The following GNAS variants were observed in gnomAD, a reference collection of about 807,000 sequenced individuals.
GNAS encodes the protein GNAS complex locus.
A neutral mutation model predicts 54.5 loss-of-function variants in GNAS; 8 were observed. The ratio of observed to expected loss-of-function variants is 0.15; its 90% CI spans 0.09 to 0.26. GNAS has a LOEUF of 0.26. Among genes scored for constraint, GNAS ranks in the 10% least tolerant of loss-of-function variants. GNAS has a pLI of 1.00. For missense variants in GNAS, 170 were observed against 529.8 expected, an observed-to-expected ratio of 0.32 and a Z score of 6.67; for synonymous variants, 204 against 191.4, an observed-to-expected ratio of 1.07 and a Z score of -0.54.
chr20:58,905,614 A>G (rs989425626), intron 6 of GNAS, 134 bp downstream of exon 6: 1 of 708,984 alleles, frequency 1.4e-6, no homozygotes, highest in Non-Finnish European at 2.6e-6. Context: ...CCCCACTGGC[A>G]GAAAGTTCTA....
intron 2 of GNAS, 197 bp from the exon 3 acceptor site, chr20:58,898,744 A>G (rs1346304524): frequency 1.2e-5 from 8 of 664,378 alleles, no homozygotes; most frequent in Admixed American, 2.1e-5. Flanking sequence ...TTCTTCCCCC[A>G]TGGCCTGCAG....
chr20:58,882,400 C>T (rs1418675895), intron 1 of GNAS, among the ~76,000 whole-genome samples: 1 of 152,218 alleles, frequency 6.6e-6, no homozygotes, highest in Non-Finnish European at 1.5e-5. Context: ...TCCCCTAAGG[C>T]TGACATTTTT....
rs2145474885 is a variant in GNAS at position 58,840,972 on chromosome 20, C to T, written c.43+86C>T. On this transcript the variant is annotated intron_variant, in intron 1 of 12. Transcript: ENST00000306090. The surrounding 1 kb of genome is among the most constrained non-coding windows in gnomAD (Gnocchi z 6.0). ...AAGGAGGTGAGAAGGAAAGGCAGGT[C>T]AGGGGCGAGTGGGAAGAGAGGAGGC... The T allele has an allele frequency of 7.1e-7, 1 of 1,418,038 alleles. No homozygotes were observed. The highest frequency in any genetic ancestry group is 9.8e-7 in the Non-Finnish European group (1 of 1,024,036). 87.8% of individuals were successfully genotyped at this position (1,418,038 alleles called of 1,614,324 possible). A position where few individuals can be genotyped will look rare whatever the true frequency, so the allele number is the denominator to read the frequency against.
Position 58,910,711 on chromosome 20 carries a change from G to A in GNAS, c.1067G>A (p.Arg356His), listed in dbSNP as rs2146305299. Residue 356 changes from arginine to histidine, a missense_variant, in exon 13 of 13, where the codon CGT becomes CAT. Physicochemically the swap from Arg to His is conservative, Grantham distance 29. This residue lies in a region of GNAS where 36 missense variants were observed against 223.0 expected (regional missense o/e 0.16). Transcript: ENST00000371085. This position sits in a 1 kb window ranked among gnomAD's most constrained non-coding sequence, Gnocchi z 5.8. ...ATCAGCACTGCCAGTGGAGATGGGC[G>A]TCACTACTGCTACCCTCATTTCACC... Reference protein sequence around the residue: ...LRISTASGDGRHYCYPHFTCA... With the variant: ...LRISTASGDGHHYCYPHFTCA... The A allele has an allele frequency of 6.2e-7, 1 of 1,614,116 alleles. No homozygotes were observed. Among genetic ancestry groups the A allele is most frequent in the Non-Finnish European group, 8.5e-7 (1 of 1,179,972 alleles).
At chr20:58,893,360 A>G (rs2089710830) in intron 1 of GNAS, among the ~76,000 whole-genome samples, 1 of 152,200 alleles carries the variant, frequency 6.6e-6, no homozygotes, top group African/African-American at 2.4e-5. Context: ...GACCAAAAGA[A>G]TTACACAGCA....
At chr20:58,859,533 A>G (rs765406676) in intron 1 of GNAS, among the ~76,000 whole-genome samples, 1 of 151,328 alleles carries the variant, frequency 6.6e-6, no homozygotes, top group Non-Finnish European at 1.5e-5. Flanking sequence ...ATCTAGTCAT[A>G]TTTGTCTCTT....
Position 58,910,159 on chromosome 20 carries a change from C to G in GNAS, c.970+78C>G, listed in dbSNP as rs2091341622. ...AACGGTCAGGCTGAAAACCCCCATCCCCCTCCCACCACCAAACCATAAAGG... is the reference window on the plus strand; with the variant it reads ...AACGGTCAGGCTGAAAACCCCCATCGCCCTCCCACCACCAAACCATAAAGG... On this transcript the variant is annotated intron_variant, in intron 11 of 12. Coordinates refer to ENST00000371085, the MANE Select transcript of GNAS (RefSeq NM_000516.7). This position sits in a 1 kb window ranked among gnomAD's most constrained non-coding sequence, Gnocchi z 5.8. The G allele has an allele frequency of 2.1e-5, 30 of 1,441,880 alleles. No homozygotes were observed. The highest frequency in any genetic ancestry group is 2.9e-5 in the Non-Finnish European group (30 of 1,023,166). The allele number at this position is 1,441,880 out of a possible 1,614,324, so 89.3% of individuals were successfully genotyped here.
rs80014150 is a variant in GNAS, at chr20:58,874,830, T to C, written c.44-20782T>C. On this transcript the variant is annotated intron_variant, in intron 1 of 12. Transcript: ENST00000306090. Reference sequence around the variant, plus strand: ...CTTTTGTTTTGTTCCCTAATGCAGATAGAGATAGTCTATATTCAAATACTA... The same window carrying C: ...CTTTTGTTTTGTTCCCTAATGCAGACAGAGATAGTCTATATTCAAATACTA... Among the ~76,000 whole-genome samples, 1,207 of 152,364 alleles carry C rather than the reference T, an allele frequency of 7.9e-3. 17 individuals carry two copies. Among genetic ancestry groups the C allele is most frequent in the African/African-American group, 0.027 (1,129 of 41,598 alleles).
intron 1 of GNAS, among the ~76,000 whole-genome samples, chr20:58,860,310 T>A (rs531588021): frequency 1.1e-4 from 16 of 151,940 alleles, no homozygotes; most frequent in African/African-American, 3.1e-4. Context: ...TTTTTTTTTT[T>A]AAATGCAGGT....
intron 1 of GNAS, among the ~76,000 whole-genome samples, chr20:58,864,944 CACACACACACACAA>C (rs971562090): frequency 6.6e-6 from 1 of 151,740 alleles, no homozygotes; most frequent in Non-Finnish European, 1.5e-5. Flanking sequence ...CACACACACA[CACACACACACACAA>C]ACACACACGC....
intron 2 of GNAS, among the ~76,000 whole-genome samples, chr20:58,896,885 AAAAACAAAC>A (rs757693689): frequency 3.3e-5 from 5 of 152,156 alleles, no homozygotes; most frequent in Admixed American, 1.3e-4. Context: ...CACCCCCCAA[AAAAACAAAC>A]AAAACAAACA....
chr20:58,890,911 T>C (rs1005819559), upstream of GNAS: 48 of 152,174 alleles, frequency 3.2e-4, no homozygotes, highest in African/African-American at 9.4e-4. Flanking sequence ...TCTGTGTCTC[T>C]CGCTCTTTCG....
intron 1 of GNAS, among the ~76,000 whole-genome samples, chr20:58,844,550 A>T (rs1326462889): frequency 6.6e-6 from 1 of 152,312 alleles, no homozygotes; most frequent in East Asian, 1.9e-4. Flanking sequence ...GGTCAGACCC[A>T]ACACCCCTCT....
intron 1 of GNAS, among the ~76,000 whole-genome samples, chr20:58,871,657 T>A (rs1214142267): frequency 0.084 from 3,044 of 36,128 alleles, no homozygotes; most frequent in Middle Eastern, 0.1. Context: ...ACCAAAAAAA[T>A]TAAAAGGGAG....
chr20:58,911,020 G>T lies in GNAS; in HGVS notation c.*191G>T. ...ATGTTCCAAATTTAGAAAGCTTAAG[G>T]CGGCCTACAGAAAAAGGAAAAAAGG... On this transcript the variant is annotated 3_prime_UTR_variant, in exon 13 of 13. Coordinates refer to ENST00000371085, the MANE Select transcript of GNAS (RefSeq NM_000516.7). 1.4e-6 allele frequency: 1 copy of T among 702,570 alleles called. No individual in the cohort carries two copies. The highest frequency in any genetic ancestry group is 2.6e-6 in the Non-Finnish European group (1 of 390,770). 43.5% of individuals were successfully genotyped at this position (702,570 alleles called of 1,614,324 possible).
chr20:58,845,285 C>T lies in GNAS; in HGVS notation c.43+4399C>T, dbSNP rs1423780733. ...CCTGAAAAAAATGGTATAGAAGCTA[C>T]AGCTATTTGAGATAAACCAGTTTTC... On this transcript the variant is annotated intron_variant, in intron 1 of 12. Coordinates refer to the GNAS transcript ENST00000306090. Among the ~76,000 whole-genome samples, 3 of 152,222 alleles carry T rather than the reference C, an allele frequency of 2.0e-5. No individual in the cohort carries two copies. The East Asian group carries it at 5.8e-4, about 29-fold the overall frequency.
rs1207373158 is a variant in GNAS, at chr20:58,857,011, T to C, written c.43+16125T>C. On this transcript the variant is annotated intron_variant, in intron 1 of 12. Transcript: ENST00000306090. This position sits in a 1 kb window ranked among gnomAD's most constrained non-coding sequence, Gnocchi z 4.1. Reference sequence around the variant, plus strand: ...ATTTAAACAAAGCATCAATTAGCAATGGTCTGAATATGTGGTTTAAATGAA... The same window carrying C: ...ATTTAAACAAAGCATCAATTAGCAACGGTCTGAATATGTGGTTTAAATGAA... 1 of 146,582 alleles carries C rather than the reference T, an allele frequency of 6.8e-6. No homozygotes were observed. The highest frequency in any genetic ancestry group is 2.5e-5 in the African/African-American group (1 of 39,968). The allele number at this position is 146,582 out of a possible 1,614,324, so 9.1% of individuals were successfully genotyped here. A position where few individuals can be genotyped will look rare whatever the true frequency, so the allele number is the denominator to read the frequency against.
At chr20:58,889,124 G>T, upstream of GNAS, 1 of 1,174,460 alleles carries the variant, frequency 8.5e-7, no homozygotes. Context: ...GTCCTCTGAA[G>T]AGGCTGGGGC....
chr20:58,873,588 T>C lies in GNAS; in HGVS notation c.44-22024T>C, dbSNP rs940835642. On this transcript the variant is annotated intron_variant, in intron 1 of 12. Transcript: ENST00000306090. This position sits in a 1 kb window ranked among gnomAD's most constrained non-coding sequence, Gnocchi z 4.3. Reference sequence around the variant, plus strand: ...AAGGTCGAAATAGCCTTACTCCTTTTTGTCTGTCTAGTAGCATCTCTAAGC... The same window carrying C: ...AAGGTCGAAATAGCCTTACTCCTTTCTGTCTGTCTAGTAGCATCTCTAAGC... 1.3e-5 allele frequency among the ~76,000 whole-genome samples: 2 copies of C among 152,204 alleles called. No individual in the cohort carries two copies. Among genetic ancestry groups the C allele is most frequent in the African/African-American group, 4.8e-5 (2 of 41,442 alleles).
Sources: allele counts gnomAD v4.1 joint callset (sites outside exome capture counted in the v4.1 genomes callset), GRCh38; gene constraint gnomAD v4.1.1; regional missense constraint gnomAD v4.1.1; non-coding constraint Gnocchi (gnomAD v3.1); transcripts MANE v1.5; gene names NCBI Gene and HGNC (gene_info 2026-07-23, HGNC 2026-07-21).